Variants in RXFP1 observed in about 807,000 individuals in gnomAD.
RXFP1 encodes the protein relaxin family peptide receptor 1, also known as relaxin receptor 1.
RXFP1 carries 73 observed loss-of-function variants against 89.8 expected under a neutral mutation model. The observed-to-expected ratio is 0.81, with a 90% CI of 0.67 to 0.99. The LOEUF is 0.99. Among genes scored for constraint, RXFP1 ranks in the 50% least tolerant of loss-of-function variants. RXFP1 has a pLI of 0.00. For synonymous variants in RXFP1, 277 were observed against 305.5 expected, an observed-to-expected ratio of 0.91 and a Z score of 0.97; for missense variants, 793 against 895.5, an observed-to-expected ratio of 0.89 and a Z score of 1.46.
chr4:158,607,323 TTA>T (rs1762710578), intron 5 of RXFP1, among the ~76,000 whole-genome samples: 1 of 126,266 alleles, frequency 7.9e-6, no homozygotes, highest in Non-Finnish European at 1.5e-5. Context: ...CTGATTATTT[TTA>T]TGTTTTTTTT....
chr4:158,644,593 C>T (rs1239977458), intron 14 of RXFP1, among the ~76,000 whole-genome samples: 2 of 152,084 alleles, frequency 1.3e-5, no homozygotes, highest in South Asian at 2.1e-4. Context: ...CTAACCATTG[C>T]GAGTACGATA....
intron 6 of RXFP1, among the ~76,000 whole-genome samples, chr4:158,611,257 G>A (rs1763524470): frequency 6.6e-6 from 1 of 152,186 alleles, no homozygotes; most frequent in African/African-American, 2.4e-5. Context: ...CAAACTGTTC[G>A]ATAGCAGATT....
intron 1 of RXFP1, among the ~76,000 whole-genome samples, chr4:158,556,994 T>G (rs887817279): frequency 6.6e-6 from 1 of 152,148 alleles, no homozygotes; most frequent in African/African-American, 2.4e-5. Flanking sequence ...AAGGAATAAA[T>G]TATAGTGTTC....
In RXFP1 at chr4:158,653,305, A is replaced by T. The variant is rs1224931228; in HGVS notation, c.*1250A>T. ...AAATACTGGAATCAAACCATAATGC[A>T]CTTATTGAATATATAGTTGTATAGA... On this transcript the variant is annotated 3_prime_UTR_variant, in exon 18 of 18. Transcript: ENST00000307765. 1 of 152,238 alleles carries T rather than the reference A, an allele frequency of 6.6e-6. No homozygotes were observed. Among genetic ancestry groups the T allele is most frequent in the Non-Finnish European group, 1.5e-5 (1 of 68,034 alleles). The allele number at this position is 152,238 out of a possible 1,614,324, so 9.4% of individuals were successfully genotyped here.
At chr4:158,602,711 G>A (rs1260649505) in intron 4 of RXFP1, among the ~76,000 whole-genome samples, 1 of 152,098 alleles carries the variant, frequency 6.6e-6, no homozygotes, top group Non-Finnish European at 1.5e-5. Flanking sequence ...ATGTGCAAAT[G>A]GCAGGCATTC....
chr4:158,549,910 G>A (rs1186558600), intron 1 of RXFP1, among the ~76,000 whole-genome samples: 1 of 152,228 alleles, frequency 6.6e-6, no homozygotes, highest in Non-Finnish European at 1.5e-5. Context: ...GGACCCACTT[G>A]AGGAGGCAGT....
intron 11 of RXFP1, among the ~76,000 whole-genome samples, chr4:158,632,861 A>G (rs1217536598): frequency 6.6e-6 from 1 of 152,212 alleles, no homozygotes; most frequent in Non-Finnish European, 1.5e-5. Context: ...CAAAAGAATG[A>G]GAAAATGCGA....
intron 12 of RXFP1, among the ~76,000 whole-genome samples, chr4:158,634,221 G>A (rs1209273465): frequency 6.6e-6 from 1 of 152,106 alleles, no homozygotes; most frequent in Non-Finnish European, 1.5e-5. Flanking sequence ...CATGCTAATG[G>A]ATGTGAAATG....
chr4:158,609,623 T>C (rs1430840583), intron 6 of RXFP1, among the ~76,000 whole-genome samples: 1 of 152,140 alleles, frequency 6.6e-6, no homozygotes, highest in African/African-American at 2.4e-5. Flanking sequence ...GAGTTTGGGA[T>C]TGAGTCGAGA....
chr4:158,641,536 A>G (rs1226455520), intron 14 of RXFP1, among the ~76,000 whole-genome samples: 6 of 152,246 alleles, frequency 3.9e-5, no homozygotes, highest in Admixed American at 3.9e-4. Flanking sequence ...TAAAATACCA[A>G]TCAACACTCC....
chr4:158,606,871 C>T (rs919684442), intron 5 of RXFP1, among the ~76,000 whole-genome samples: 1 of 152,050 alleles, frequency 6.6e-6, no homozygotes, highest in South Asian at 2.1e-4. Context: ...TAACCCACTT[C>T]ACCCAGCCTA....
Position 158,595,846 on chromosome 4 carries a change from C to T in RXFP1, c.286+2347C>T, listed in dbSNP as rs562906006. 2.0e-5 allele frequency among the ~76,000 whole-genome samples: 3 copies of T among 152,140 alleles called. No homozygotes were observed. In the East Asian group the frequency reaches 5.8e-4, roughly 29 times the overall value. The stretch of plus-strand genomic sequence containing the variant: ...TTAGAGGGAGACCAAATAATTTGTC[C>T]ATTAAAAAGCTAAAAATTGGCTGGG... On this transcript the variant is annotated intron_variant, in intron 3 of 17. Transcript: ENST00000307765.
intron 4 of RXFP1, among the ~76,000 whole-genome samples, chr4:158,603,269 T>G (rs538738920): frequency 6.6e-6 from 1 of 152,266 alleles, no homozygotes; most frequent in East Asian, 1.9e-4. Context: ...CAATTTATCT[T>G]GACACAATAT....
rs190908194 is a variant in RXFP1, at chr4:158,647,121, C to T, written c.1676C>T (p.Thr559Ile). 4 of 1,613,914 alleles carry T rather than the reference C, an allele frequency of 2.5e-6. No homozygotes were observed. The East Asian group carries it at 8.9e-5, about 36-fold the overall frequency. Reference protein sequence around the residue: ...NKEFFKNYYGTNGVCFPLHSE... With the variant: ...NKEFFKNYYGINGVCFPLHSE... ...GAATTTTTCAAAAACTACTATGGCA[C>T]CAATGGAGTATGCTTCCCTCTTCAT... The change falls in exon 16 of 18, where the codon ACC becomes ATC. Residue 559 changes from threonine (T) to isoleucine (I), a missense_variant. By Grantham distance (89) the Thr-to-Ile change is moderately conservative (BLOSUM62 -1). Transcript: ENST00000307765.
chr4:158,599,408 G>A lies in RXFP1; in HGVS notation c.369G>A (p.Ser123=), dbSNP rs774004549. ...CDETNLRAVP[S]VSSNVTAMSL... is the part of the protein sequence containing the mutation. ...AAACCAATTTACGAGCTGTTCCATC[G>A]GTTTCTTCAAATGTGACTGCAATGT... The change falls in exon 4 of 18, where the codon TCG becomes TCA. Residue 123 remains serine (S), a synonymous_variant. Coordinates refer to ENST00000307765, the MANE Select transcript of RXFP1 (RefSeq NM_021634.4). 18 of 1,613,078 alleles carry A rather than the reference G, an allele frequency of 1.1e-5. No individual in the cohort carries two copies. Among genetic ancestry groups the A allele is most frequent in the Admixed American group, 1.7e-5 (1 of 59,956 alleles).
chr4:158,564,586 T>C (rs1227869276), intron 1 of RXFP1, among the ~76,000 whole-genome samples: 1 of 152,158 alleles, frequency 6.6e-6, no homozygotes, highest in Non-Finnish European at 1.5e-5. Flanking sequence ...ATAAACTCTG[T>C]TGTCTCTCAC....
chr4:158,538,797 G>A (rs2149819090), intron 1 of RXFP1, among the ~76,000 whole-genome samples: 1 of 133,006 alleles, frequency 7.5e-6, no homozygotes, highest in Non-Finnish European at 1.5e-5. Flanking sequence ...AGAGTGAAAT[G>A]CCGTCTCAAA....
intron 13 of RXFP1, among the ~76,000 whole-genome samples, chr4:158,638,719 G>T (rs1175397272): frequency 2.0e-5 from 3 of 151,514 alleles, no homozygotes. Context: ...GGAGGCTGAG[G>T]TGGGAACATT....
chr4:158,533,670 G>T (rs970579373), intron 1 of RXFP1, among the ~76,000 whole-genome samples: 1 of 152,130 alleles, frequency 6.6e-6, no homozygotes, highest in South Asian at 2.1e-4. Flanking sequence ...CACACAAAAA[G>T]TGTGCTTATC....
Sources: gnomAD v4.1 joint callset for allele counts (sites outside exome capture counted in the v4.1 genomes callset) on GRCh38, gnomAD v4.1.1 for gene constraint, MANE v1.5 for transcripts, NCBI Gene and HGNC (gene_info 2026-07-23, HGNC 2026-07-21) for gene names.